The following ESRRG variants were observed in gnomAD, a reference collection of about 807,000 sequenced individuals.
ESRRG encodes estrogen-related receptor gamma.
In ESRRG, 13 loss-of-function variants were observed where a neutral mutation model predicts 44.0. That is an observed-to-expected ratio of 0.30 (90% CI 0.19 to 0.47). The LOEUF is 0.47. ESRRG is among the 20% of genes least tolerant of loss of function. The pLI, the probability that ESRRG is intolerant of heterozygous loss-of-function variation, is 1.00. For missense variants in ESRRG, 395 were observed against 580.6 expected (o/e 0.68, Z 3.29); for synonymous variants, 215 against 214.6 (o/e 1.00, Z -0.02).
chr1:216,809,349 C>A (rs1001527272), intron 2 of ESRRG, among the ~76,000 whole-genome samples: 1 of 144,542 alleles, frequency 6.9e-6, no homozygotes, highest in Non-Finnish European at 1.5e-5. Flanking sequence ...AAAAAAAAAC[C>A]CCATGAGAAC....
intron 2 of ESRRG, among the ~76,000 whole-genome samples, chr1:216,742,500 A>G (rs2090877344): frequency 6.6e-6 from 1 of 152,182 alleles, no homozygotes; most frequent in Non-Finnish European, 1.5e-5. Context: ...AGTACCCAGT[A>G]GAGTGCTTTG....
intron 1 of ESRRG, among the ~76,000 whole-genome samples, chr1:216,707,135 C>G (rs187649867): frequency 8.5e-5 from 13 of 152,284 alleles, no homozygotes; most frequent in Admixed American, 2.6e-4. Context: ...AAACCTTTCC[C>G]TCAAAGTCAA....
chr1:216,530,502 G>A (rs1476389420), intron 5 of ESRRG, among the ~76,000 whole-genome samples: 2 of 152,076 alleles, frequency 1.3e-5, no homozygotes, highest in African/African-American at 2.4e-5. Flanking sequence ...TTAAGGCTCA[G>A]GGTATCTTGT....
chr1:216,647,166 G>A lies in ESRRG; in HGVS notation c.589+3807C>T, dbSNP rs139348549. Among the ~76,000 whole-genome samples, 20 of 152,146 alleles carry A rather than the reference G, an allele frequency of 1.3e-4. No homozygotes were observed. In the East Asian group the frequency reaches 3.7e-3, roughly 28 times the overall value. On this transcript the variant is annotated intron_variant, in intron 3 of 6. Coordinates refer to ENST00000408911, the MANE Select transcript of ESRRG (RefSeq NM_001438.4). The stretch of plus-strand genomic sequence containing the variant: ...TATAGGTGCACCTTGATTAGTTCTT[G>A]TTATTTTCCTTCAAATAAGCAATAC...
intron 1 of ESRRG, among the ~76,000 whole-genome samples, chr1:217,083,330 A>T (rs746105756): frequency 5.3e-5 from 8 of 152,302 alleles, no homozygotes; most frequent in Non-Finnish European, 1.2e-4. Flanking sequence ...CTCATTTACT[A>T]CTCGGTATAC....
intron 1 of ESRRG, among the ~76,000 whole-genome samples, chr1:216,957,205 T>C (rs570609123): frequency 1.8e-4 from 27 of 152,266 alleles, no homozygotes; most frequent in East Asian, 7.7e-4. Flanking sequence ...CTCTAAATGT[T>C]AAAGAAGCCA....
intron 2 of ESRRG, among the ~76,000 whole-genome samples, chr1:216,912,185 G>GAA (rs1389328433): frequency 1.4e-3 from 12 of 8,382 alleles, no homozygotes; most frequent in East Asian, 0.014. Context: ...GAAAAGAAAA[G>GAA]GAGAGGAGAG....
At chr1:217,037,131 C>T (rs1389900998) in intron 1 of ESRRG, among the ~76,000 whole-genome samples, 2 of 152,160 alleles carry the variant, frequency 1.3e-5, no homozygotes, top group Admixed American at 1.3e-4. Context: ...CCTTTTTACC[C>T]CTGATCTGAG....
chr1:217,129,112 G>C (rs548751553), intron 1 of ESRRG, among the ~76,000 whole-genome samples: 58 of 152,100 alleles, frequency 3.8e-4, no homozygotes, highest in African/African-American at 1.4e-3. Context: ...TTAATATTCG[G>C]AATATATAAA....
chr1:216,681,680 T>A (rs1046692176), intron 1 of ESRRG, among the ~76,000 whole-genome samples: 1 of 152,226 alleles, frequency 6.6e-6, no homozygotes, highest in African/African-American at 2.4e-5. Flanking sequence ...ATACTAATGA[T>A]CAGCCAAATA....
At chr1:217,021,996 GC>G (rs1393751756) in intron 1 of ESRRG, among the ~76,000 whole-genome samples, 2 of 151,986 alleles carry the variant, frequency 1.3e-5, no homozygotes, top group African/African-American at 2.4e-5. Context: ...GTTAAGTTTT[GC>G]TTTCCACCCC....
intron 2 of ESRRG, among the ~76,000 whole-genome samples, chr1:216,814,227 GC>G (rs1416633407): frequency 6.6e-6 from 1 of 152,172 alleles, no homozygotes; most frequent in Non-Finnish European, 1.5e-5. Context: ...CAAATTAGCA[GC>G]CTGACTGCAC....
chr1:216,831,958 G>A (rs1339982273), intron 2 of ESRRG, among the ~76,000 whole-genome samples: 1 of 152,008 alleles, frequency 6.6e-6, no homozygotes, highest in African/African-American at 2.4e-5. Context: ...CTTCTCCTGG[G>A]TAGATAGCCA....
intron 2 of ESRRG, among the ~76,000 whole-genome samples, chr1:216,912,195 G>A (rs1380752786): frequency 3.2e-4 from 3 of 9,384 alleles, no homozygotes; most frequent in East Asian, 4.7e-3. Context: ...GGAGAGGAGA[G>A]GAGAGGAGAG....
At chr1:216,777,406 C>T (rs1470276680) in intron 2 of ESRRG, among the ~76,000 whole-genome samples, 6 of 152,086 alleles carry the variant, frequency 3.9e-5, no homozygotes, top group African/African-American at 1.4e-4. Context: ...TGAAGAGCTG[C>T]CACAGATATT....
At chr1:216,737,153 G>T (rs964351592) in intron 2 of ESRRG, among the ~76,000 whole-genome samples, 3 of 152,148 alleles carry the variant, frequency 2.0e-5, no homozygotes, top group African/African-American at 7.2e-5. Flanking sequence ...TCTAAATTCA[G>T]TTCTTTCTCT....
Position 217,029,327 on chromosome 1 carries a change from C to T in ESRRG, c.-106+60180G>A, listed in dbSNP as rs140199587. 7.6e-3 allele frequency among the ~76,000 whole-genome samples: 1,150 copies of T among 152,122 alleles called. 14 individuals carry two copies. The highest frequency in any genetic ancestry group is 0.027 in the African/African-American group (1,102 of 41,510). ...CATGAAAAATTCCTTTTTTTATACTCACTAGCTCAGAAACCGACCGTAAGG... is the reference window on the plus strand; with the variant it reads ...CATGAAAAATTCCTTTTTTTATACTTACTAGCTCAGAAACCGACCGTAAGG... On this transcript the variant is annotated intron_variant, in intron 1 of 7. Transcript: ENST00000359162.
chr1:217,125,649 T>G (rs370058450), intron 1 of ESRRG, among the ~76,000 whole-genome samples: 1 of 152,190 alleles, frequency 6.6e-6, no homozygotes, highest in African/African-American at 2.4e-5. Flanking sequence ...TAAAACTATA[T>G]GATAAAAACA....
At chr1:216,870,002 CA>C (rs889675065) in intron 2 of ESRRG, among the ~76,000 whole-genome samples, 1 of 151,646 alleles carries the variant, frequency 6.6e-6, no homozygotes, top group African/African-American at 2.4e-5. Flanking sequence ...TATTTATTTC[CA>C]ATAATCTTCT....
Sources: gnomAD v4.1 joint callset for allele counts (sites outside exome capture counted in the v4.1 genomes callset) on GRCh38, gnomAD v4.1.1 for gene constraint, MANE v1.5 for transcripts, NCBI Gene and HGNC (gene_info 2026-07-23, HGNC 2026-07-21) for gene names.